Variants in ANKDD1B observed in about 807,000 individuals in gnomAD.
ANKDD1B encodes ankyrin repeat and death domain-containing protein 1B.
A neutral mutation model predicts 59.7 loss-of-function variants in ANKDD1B; 57 were observed. That is an observed-to-expected ratio of 0.95 (90% CI 0.77 to 1.19). The LOEUF is 1.19. Among genes scored for constraint, ANKDD1B ranks in the 50% most tolerant of loss-of-function variants. The pLI is 0.00. For synonymous variants in ANKDD1B, 216 were observed against 239.5 expected (o/e 0.90, Z 0.91); for missense variants, 602 against 641.9 (o/e 0.94, Z 0.67).
intron 7 of ANKDD1B, among the ~76,000 whole-genome samples, chr5:75,650,523 A>G (rs1230926183): frequency 6.6e-6 from 1 of 152,232 alleles, no homozygotes; most frequent in Non-Finnish European, 1.5e-5. Context: ...CTCCAGAACT[A>G]TAAAATAAAA....
rs55640131 is a variant in ANKDD1B, at chr5:75,637,240, C to CA, written c.798+1391dup. Among the ~76,000 whole-genome samples the CA allele has an allele frequency of 8.5e-3, 595 of 69,912 alleles. 21 individuals carry two copies. The highest frequency in any genetic ancestry group is 0.012 in the East Asian group (27 of 2,164). 45.9% of individuals were successfully genotyped at this position (69,912 alleles called of 152,430 possible). A position where few individuals can be genotyped will look rare whatever the true frequency, so the allele number is the denominator to read the frequency against. On this transcript the variant is annotated intron_variant, in intron 7 of 13. Transcript: ENST00000601380. ...AGCCTGGGCGACAGAGACTCTGTCT[C>CA]AAAAAAAAAAAAAAAAAAAAAAAAA...
chr5:75,633,418 C>T (rs548196379), intron 5 of ANKDD1B, among the ~76,000 whole-genome samples: 4 of 152,242 alleles, frequency 2.6e-5, no homozygotes, highest in Non-Finnish European at 5.9e-5. Context: ...TTTATTATTT[C>T]AGCATTTTTT....
At position 75,655,672 on chromosome 5, in the gene ANKDD1B, G is replaced by A. The variant is rs577306869; in HGVS notation, c.898-357G>A. Among the ~76,000 whole-genome samples, 28 of 152,272 alleles carry A rather than the reference G, an allele frequency of 1.8e-4. No individual in the cohort carries two copies. In the East Asian group the frequency reaches 5.4e-3, roughly 29 times the overall value. On this transcript the variant is annotated intron_variant, in intron 8 of 13. Coordinates refer to ENST00000601380, the MANE Select transcript of ANKDD1B (RefSeq NM_001276713.2). ...CTTCCAAAGCACTTAATTGTATACT[G>A]TATTTGTGTGACTTAAAAAAATTAA...
chr5:75,615,578 C>G (rs2112951389), intron 1 of ANKDD1B, among the ~76,000 whole-genome samples: 1 of 152,160 alleles, frequency 6.6e-6, no homozygotes. Context: ...ACAAGTCCAA[C>G]ATCAAGATGT....
rs773763016 is a variant in ANKDD1B at position 75,670,988 on chromosome 5, G to A, written c.1535G>A (p.Arg512His). ...ATCTTATTTTTTCCAGAAAAGACTCGTCATTTCAAAAGCAAAACTGACTCA... is the reference window on the plus strand; with the variant it reads ...ATCTTATTTTTTCCAGAAAAGACTCATCATTTCAAAAGCAAAACTGACTCA... ...AGFPKLAEKT[R>H]HFKSKTDSNS... is the part of the protein sequence containing the mutation. The change falls in exon 14 of 14, where the codon CGT becomes CAT. Residue 512 changes from arginine to histidine, a missense_variant. Physicochemically the swap from Arg to His is conservative, Grantham distance 29. Transcript: ENST00000601380. The A allele has an allele frequency of 3.3e-5, 40 of 1,227,310 alleles. No homozygotes were observed. Among genetic ancestry groups the A allele is most frequent in the African/African-American group, 1.2e-4 (8 of 64,274 alleles). The allele number at this position is 1,227,310 out of a possible 1,614,324, so 76.0% of individuals were successfully genotyped here.
intron 7 of ANKDD1B, among the ~76,000 whole-genome samples, chr5:75,648,357 G>A (rs1011306339): frequency 1.3e-5 from 2 of 151,578 alleles, no homozygotes; most frequent in African/African-American, 4.8e-5. Flanking sequence ...CATTACACAG[G>A]TGCCTCCTTG....
At chr5:75,630,953 A>G (rs253407) in intron 5 of ANKDD1B, among the ~76,000 whole-genome samples, 87,723 of 152,102 alleles carry the variant, frequency 0.58, 29,063 homozygotes, top group Non-Finnish European at 0.72. Context: ...AAATGTTTAT[A>G]TATAAATCTC....
chr5:75,663,268 C>A, intron 10 of ANKDD1B, 126 bp from the exon 11 acceptor site: 2 of 692,610 alleles, frequency 2.9e-6, no homozygotes, highest in South Asian at 3.5e-5. Context: ...AAGCAAAGGA[C>A]TGGCCTAAGT....
intron 9 of ANKDD1B, among the ~76,000 whole-genome samples, chr5:75,657,310 TA>T (rs199504453): frequency 0.018 from 2,734 of 151,974 alleles, 90 homozygotes; most frequent in African/African-American, 0.063. Context: ...AGAATACACA[TA>T]AAAAATAGGA....
chr5:75,630,683 G>T (rs1462925817), intron 5 of ANKDD1B, among the ~76,000 whole-genome samples: 1 of 152,206 alleles, frequency 6.6e-6, no homozygotes, highest in Non-Finnish European at 1.5e-5. Flanking sequence ...TCTTTCTGTT[G>T]TAAAGACAAA....
At chr5:75,659,501 C>T in intron 10 of ANKDD1B, 120 bp downstream of exon 10, 1 of 746,624 alleles carries the variant, frequency 1.3e-6, no homozygotes, top group South Asian at 1.6e-5. Flanking sequence ...ACTGGAGAAA[C>T]CATGCATCTT....
intron 8 of ANKDD1B, 37 bp downstream of exon 8, chr5:75,653,277 C>T (rs1241734072): frequency 8.9e-6 from 13 of 1,464,118 alleles, no homozygotes; most frequent in East Asian, 4.9e-5. Flanking sequence ...TTGGTCCTGG[C>T]GCCGTGAGGT....
intron 2 of ANKDD1B, among the ~76,000 whole-genome samples, chr5:75,617,890 A>G (rs924650353): frequency 2.6e-5 from 4 of 152,124 alleles, no homozygotes; most frequent in Non-Finnish European, 4.4e-5. Context: ...ATCTGAAATC[A>G]TGTCCCACGT....
At chr5:75,661,899 ATTTTTTTTTTTTT>A (rs35120763) in intron 10 of ANKDD1B, among the ~76,000 whole-genome samples, 1 of 92,804 alleles carries the variant, frequency 1.1e-5, no homozygotes, top group East Asian at 3.2e-4. Flanking sequence ...GGCTCCCACA[ATTTTTTTTTTTTT>A]TTTTTTTTTT....
Position 75,666,859 on chromosome 5 carries a change from TG to T in ANKDD1B, c.1261del (p.Glu421ArgfsTer17). ...FTLTFKQDHS[L>X]ETRHIRTLLW... ...CTGACATTCAAGCAAGATCACAGTCTGGAGACCAGACACATTCGCACGCTTC... is the reference window on the plus strand; with the variant it reads ...CTGACATTCAAGCAAGATCACAGTCTGAGACCAGACACATTCGCACGCTTC... On this transcript the variant is annotated frameshift_variant, in exon 12 of 14. Coordinates refer to ENST00000601380, the MANE Select transcript of ANKDD1B (RefSeq NM_001276713.2). LOFTEE classifies it high-confidence loss of function. 6.5e-7 allele frequency: 1 copy of T among 1,536,054 alleles called. No homozygotes were observed. The highest frequency in any genetic ancestry group is 2.4e-5 in the East Asian group (1 of 40,920).
intron 1 of ANKDD1B, among the ~76,000 whole-genome samples, chr5:75,612,800 A>G (rs895009291): frequency 3.9e-5 from 6 of 152,228 alleles, no homozygotes; most frequent in Admixed American, 2.0e-4. Context: ...GGACAATTCT[A>G]TAACTTACAA....
intron 2 of ANKDD1B, among the ~76,000 whole-genome samples, chr5:75,618,920 A>G (rs1299823109): frequency 6.6e-6 from 1 of 152,052 alleles, no homozygotes; most frequent in Non-Finnish European, 1.5e-5. Flanking sequence ...TAATTTTTGT[A>G]TTTTTAGTAG....
At chr5:75,625,775 G>T (rs1323739293) in intron 4 of ANKDD1B, 30 bp downstream of exon 4, 3 of 1,532,318 alleles carry the variant, frequency 2.0e-6, no homozygotes, top group Non-Finnish European at 2.6e-6. Flanking sequence ...CTGGACAAAA[G>T]CTCTTACCTC....
intron 13 of ANKDD1B, among the ~76,000 whole-genome samples, chr5:75,670,733 G>C (rs1407543554): frequency 6.6e-6 from 1 of 152,204 alleles, no homozygotes; most frequent in African/African-American, 2.4e-5. Flanking sequence ...AACTGGCTAA[G>C]GGTATGTGTT....
Sources: gnomAD v4.1 joint callset for allele counts (sites outside exome capture counted in the v4.1 genomes callset) on GRCh38, gnomAD v4.1.1 for gene constraint, MANE v1.5 for transcripts, NCBI Gene and HGNC (gene_info 2026-07-23, HGNC 2026-07-21) for gene names.